Variants in PLXDC2 observed in about 807,000 individuals in gnomAD.
The protein encoded by PLXDC2 is plexin domain containing 2, also known as plexin domain-containing protein 2.
Under a neutral mutation model 68.9 loss-of-function variants are expected in PLXDC2, and 40 were observed. That is an observed-to-expected ratio of 0.58 (90% CI 0.45 to 0.76). PLXDC2 has a LOEUF of 0.76. Among genes scored for constraint, PLXDC2 ranks in the 30% least tolerant of loss-of-function variants. The probability of loss-of-function intolerance (pLI) is 0.00; values close to 1 mark genes in which losing one functional copy is unlikely to be tolerated. For synonymous variants in PLXDC2, 243 were observed against 234.2 expected (o/e 1.04, Z -0.34); for missense variants, 644 against 661.9 (o/e 0.97, Z 0.30).
chr10:19,939,564 T>C (rs1833782122), intron 1 of PLXDC2, among the ~76,000 whole-genome samples: 1 of 152,176 alleles, frequency 6.6e-6, no homozygotes, highest in Non-Finnish European at 1.5e-5. Flanking sequence ...AACTTCCATT[T>C]CCAAGTTATA....
intron 6 of PLXDC2, among the ~76,000 whole-genome samples, chr10:20,150,013 T>C (rs6482099): frequency 0.9 from 137,650 of 152,124 alleles, 62,471 homozygotes; most frequent in Non-Finnish European, 0.95. Flanking sequence ...ACTCTTCTTG[T>C]CCTGCTGAAC....
rs1452141871 is a variant in PLXDC2, at chr10:20,164,606, G to T, written c.883+39G>T. ...GGGCAGTCGCAATGAGTGAGCCTCT[G>T]TGGGGGTAAATTTAAAGGAGATTGG... On this transcript the variant is annotated intron_variant, in intron 7 of 13. Transcript: ENST00000377252. 2.7e-6 allele frequency: 4 copies of T among 1,491,174 alleles called. No homozygotes were observed. In the African/African-American group the frequency reaches 5.5e-5, roughly 21 times the overall value. 92.4% of individuals were successfully genotyped at this position (1,491,174 alleles called of 1,614,324 possible).
At chr10:20,088,948 C>T (rs117828417) in intron 4 of PLXDC2, among the ~76,000 whole-genome samples, 4 of 152,064 alleles carry the variant, frequency 2.6e-5, no homozygotes, top group South Asian at 2.1e-4. Flanking sequence ...TGGAGCACAT[C>T]GCTTTTGGAA....
intron 1 of PLXDC2, among the ~76,000 whole-genome samples, chr10:19,920,449 A>G (rs1206235863): frequency 7.9e-5 from 12 of 152,230 alleles, no homozygotes; most frequent in Admixed American, 7.8e-4. Context: ...GTGTTCCTCC[A>G]CTGAGGATGG....
chr10:20,185,813 C>T (rs1163369366), intron 9 of PLXDC2, among the ~76,000 whole-genome samples: 3 of 151,806 alleles, frequency 2.0e-5, no homozygotes, highest in Non-Finnish European at 2.9e-5. Flanking sequence ...GTAGGAAATC[C>T]AAGAGCCCGG....
intron 4 of PLXDC2, among the ~76,000 whole-genome samples, chr10:20,136,944 A>G (rs1833942259): frequency 6.6e-6 from 1 of 152,230 alleles, no homozygotes; most frequent in Non-Finnish European, 1.5e-5. Context: ...ACTTGCAACC[A>G]ATAGGAGGTT....
At chr10:19,853,464 A>T (rs1215745011) in intron 1 of PLXDC2, among the ~76,000 whole-genome samples, 4 of 151,712 alleles carry the variant, frequency 2.6e-5, no homozygotes, top group African/African-American at 9.7e-5. Flanking sequence ...CTATGTTGCC[A>T]AGGCTGATAT....
intron 1 of PLXDC2, among the ~76,000 whole-genome samples, chr10:19,841,932 A>C (rs1409763405): frequency 1.3e-5 from 2 of 152,184 alleles, no homozygotes; most frequent in Non-Finnish European, 2.9e-5. Flanking sequence ...AAAAAATAGA[A>C]ATGAAAAGAA....
chr10:20,049,380 A>G (rs1485140921), intron 3 of PLXDC2, among the ~76,000 whole-genome samples: 1 of 152,104 alleles, frequency 6.6e-6, no homozygotes, highest in African/African-American at 2.4e-5. Flanking sequence ...CAAGACAAAG[A>G]AATAAAGAGC....
At chr10:20,128,850 T>C (rs887325930) in intron 4 of PLXDC2, among the ~76,000 whole-genome samples, 4 of 152,182 alleles carry the variant, frequency 2.6e-5, no homozygotes, top group African/African-American at 9.7e-5. Context: ...TTCCATTTTG[T>C]ACCTATACCA....
intron 1 of PLXDC2, among the ~76,000 whole-genome samples, chr10:19,982,021 G>A (rs1469626365): frequency 6.6e-6 from 1 of 152,172 alleles, no homozygotes; most frequent in African/African-American, 2.4e-5. Flanking sequence ...AGAGTAAAAC[G>A]AGAATCTCCA....
At chr10:20,151,162 T>G (rs1359910909) in intron 6 of PLXDC2, among the ~76,000 whole-genome samples, 2 of 152,248 alleles carry the variant, frequency 1.3e-5, no homozygotes, top group Non-Finnish European at 2.9e-5. Context: ...TAAGGCAAAT[T>G]GTTATTTGTA....
intron 3 of PLXDC2, among the ~76,000 whole-genome samples, chr10:20,052,606 G>A (rs984206038): frequency 6.6e-6 from 1 of 151,620 alleles, no homozygotes; most frequent in Non-Finnish European, 1.5e-5. Context: ...CTGGTAATTT[G>A]GCTGGAAACA....
At chr10:19,955,711 C>A (rs1834058245) in intron 1 of PLXDC2, among the ~76,000 whole-genome samples, 1 of 152,060 alleles carries the variant, frequency 6.6e-6, no homozygotes, top group African/African-American at 2.4e-5. Flanking sequence ...AGAAGTTGTT[C>A]ATAACTGTTT....
intron 1 of PLXDC2, among the ~76,000 whole-genome samples, chr10:19,859,443 A>G (rs959369351): frequency 3.4e-4 from 51 of 152,146 alleles, no homozygotes; most frequent in African/African-American, 1.2e-3. Flanking sequence ...TTTTGGTGCT[A>G]CATATTATTT....
At chr10:19,863,643 C>G (rs1180503297) in intron 1 of PLXDC2, among the ~76,000 whole-genome samples, 2 of 152,178 alleles carry the variant, frequency 1.3e-5, no homozygotes, top group African/African-American at 4.8e-5. Context: ...AGAAACATGA[C>G]ATGCATGCCG....
intron 2 of PLXDC2, among the ~76,000 whole-genome samples, chr10:20,002,682 G>A (rs1834963167): frequency 6.6e-6 from 1 of 152,188 alleles, no homozygotes; most frequent in South Asian, 2.1e-4. Context: ...GGGATTGAGA[G>A]TTGGGGTGTT....
chr10:20,258,883 TTGTAGTCCCAGCTA>T (rs771709399), intron 13 of PLXDC2, among the ~76,000 whole-genome samples: 2 of 151,682 alleles, frequency 1.3e-5, no homozygotes, highest in East Asian at 3.9e-4. Flanking sequence ...TGGCAGGCGC[TTGTAGTCCCAGCTA>T]CTCAGGAGGC....
At chr10:20,206,019 A>T (rs1415046883) in intron 9 of PLXDC2, among the ~76,000 whole-genome samples, 1 of 152,124 alleles carries the variant, frequency 6.6e-6, no homozygotes, top group East Asian at 1.9e-4. Context: ...CTTAGACGGT[A>T]AATGTCAAAT....
Sources: gnomAD v4.1 joint callset for allele counts (sites outside exome capture counted in the v4.1 genomes callset) on GRCh38, gnomAD v4.1.1 for gene constraint, MANE v1.5 for transcripts, NCBI Gene and HGNC (gene_info 2026-07-23, HGNC 2026-07-21) for gene names.